CCR5AS: variants seen among roughly 807,000 people sequenced by gnomAD.
The protein encoded by CCR5AS is CCR5 antisense RNA.
chr3:46,390,831 G>A (rs528361214), intron 2 of CCR5AS, among the ~76,000 whole-genome samples: 25 of 152,174 alleles, frequency 1.6e-4, no homozygotes, highest in Non-Finnish European at 2.6e-4. Flanking sequence ...AGTTTTAAGC[G>A]GTTTAGAAGC....
chr3:46,367,649 C>G (rs1194292097), intron 3 of CCR5AS, among the ~76,000 whole-genome samples: 7 of 152,196 alleles, frequency 4.6e-5, no homozygotes, highest in Non-Finnish European at 8.8e-5. Context: ...TGGTTCACTG[C>G]AACCTCCATC....
At chr3:46,383,355 G>A (rs1181067913) in intron 2 of CCR5AS, among the ~76,000 whole-genome samples, 1 of 152,158 alleles carries the variant, frequency 6.6e-6, no homozygotes, top group Non-Finnish European at 1.5e-5. Flanking sequence ...AGGGCAGCAG[G>A]CCAATTCCCC....
At chr3:46,384,023 C>A (rs905240702) in intron 2 of CCR5AS, among the ~76,000 whole-genome samples, 1 of 152,206 alleles carries the variant, frequency 6.6e-6, no homozygotes, top group Admixed American at 6.5e-5. Context: ...GAATCAAGGA[C>A]TCAGGCACAC....
chr3:46,373,828 T>TA (rs867474129), intron 2 of CCR5AS: 2 of 1,614,012 alleles, frequency 1.2e-6, no homozygotes, highest in African/African-American at 2.7e-5. Flanking sequence ...AACTACCTCT[T>TA]AGTCTTCTTC....
intron 1 of CCR5AS, among the ~76,000 whole-genome samples, chr3:46,394,592 A>G (rs1472381647): frequency 6.6e-6 from 1 of 152,124 alleles, no homozygotes; most frequent in Non-Finnish European, 1.5e-5. Flanking sequence ...CATGTCTCAC[A>G]TCCCCCAGCC....
rs138380934 is a variant in CCR5AS at position 46,373,274 on chromosome 3, C to A, written n.392-1857G>T. The A allele has an allele frequency of 1.4e-5, 23 of 1,614,018 alleles. No individual in the cohort carries two copies. The African/African-American group carries it at 2.9e-4, about 21-fold the overall frequency. ...TCTTCTTCATCATCCTCCTGACAAT[C>A]GATAGGTACCTGGCTGTCGTCCATG... is the stretch of plus-strand genomic sequence containing the variant. On this transcript the variant is annotated intron_variant and non_coding_transcript_variant, in intron 2 of 3. Transcript: ENST00000451485.
chr3:46,383,790 A>G (rs543165887), intron 2 of CCR5AS, among the ~76,000 whole-genome samples: 3 of 152,320 alleles, frequency 2.0e-5, no homozygotes, highest in East Asian at 3.9e-4. Context: ...TGCACTAACC[A>G]TCTGCAGCTC....
chr3:46,397,586 G>A (rs1701971724), intron 1 of CCR5AS, among the ~76,000 whole-genome samples: 1 of 152,140 alleles, frequency 6.6e-6, no homozygotes, highest in Admixed American at 6.5e-5. Flanking sequence ...TTACGTCAAG[G>A]GACACATCAG....
At chr3:46,372,484 G>A (rs988253555) in intron 2 of CCR5AS, among the ~76,000 whole-genome samples, 5 of 152,090 alleles carry the variant, frequency 3.3e-5, no homozygotes, top group Admixed American at 1.3e-4. Flanking sequence ...AGCCATGATC[G>A]TGCCACTGCA....
intron 2 of CCR5AS, chr3:46,373,529 C>A: frequency 3.7e-6 from 6 of 1,614,086 alleles, no homozygotes; most frequent in Non-Finnish European, 5.1e-6. Flanking sequence ...CGCTGCTTGT[C>A]ATGGTCATCT....
chr3:46,365,504 A>G lies in CCR5AS; in HGVS notation n.566-459T>C, dbSNP rs576744223. Among the ~76,000 whole-genome samples the G allele has an allele frequency of 1.9e-4, 29 of 152,314 alleles. 2 individuals carry two copies. In the Middle Eastern group the frequency reaches 0.01, roughly 54 times the overall value. On this transcript the variant is annotated intron_variant and non_coding_transcript_variant, in intron 3 of 3. Transcript: ENST00000451485. ...ACACAACTTTTATATGCACTGGGAA[A>G]CCAAAAAGGTTATTTTTGAGATATT...
intron 3 of CCR5AS, among the ~76,000 whole-genome samples, chr3:46,367,918 G>T (rs1471323967): frequency 6.6e-6 from 1 of 152,184 alleles, no homozygotes; most frequent in Admixed American, 6.5e-5. Context: ...TCTTTTTACA[G>T]CCCGTCTCAC....
At chr3:46,404,325 CTCTTTTTTTTT>C (rs1702028990) in intron 1 of CCR5AS, among the ~76,000 whole-genome samples, 1 of 80,752 alleles carries the variant, frequency 1.2e-5, no homozygotes, top group South Asian at 5.1e-4. Context: ...CTCTCTCTCT[CTCTTTTTTTTT>C]TTTTTTTTTT....
At chr3:46,375,391 A>G (rs1434628268) in intron 2 of CCR5AS, 1 of 166,986 alleles carries the variant, frequency 6.0e-6, no homozygotes, top group East Asian at 1.9e-4. Context: ...TTTAGCACAT[A>G]CTACACATTC....
chr3:46,405,782 C>T (rs532373301), intron 1 of CCR5AS, among the ~76,000 whole-genome samples: 1 of 152,288 alleles, frequency 6.6e-6, no homozygotes, highest in Admixed American at 6.5e-5. Context: ...AAATTTAATG[C>T]TCAATCACAT....
In CCR5AS at chr3:46,402,034, C is replaced by T. The variant is rs764302562; in HGVS notation, n.163+4863G>A. Among the ~76,000 whole-genome samples the T allele has an allele frequency of 2.0e-3, 299 of 152,220 alleles. 4 individuals carry two copies. The highest frequency in any genetic ancestry group is 8.5e-4 in the Non-Finnish European group (58 of 68,020). On this transcript the variant is annotated intron_variant and non_coding_transcript_variant, in intron 1 of 3. Transcript: ENST00000451485. Reference sequence around the variant, plus strand: ...AGAAGTCCTGTAGTAAAGAAACTTGCTTTAGTTTTTTAGTCCAGCAATTTT... The same window carrying T: ...AGAAGTCCTGTAGTAAAGAAACTTGTTTTAGTTTTTTAGTCCAGCAATTTT...
chr3:46,387,911 C>T (rs1701877038), intron 2 of CCR5AS, among the ~76,000 whole-genome samples: 1 of 151,928 alleles, frequency 6.6e-6, no homozygotes, highest in African/African-American at 2.4e-5. Context: ...GTGGGGAGCT[C>T]CTGAGATTTA....
At chr3:46,403,919 C>T (rs1288812108) in intron 1 of CCR5AS, among the ~76,000 whole-genome samples, 2 of 152,164 alleles carry the variant, frequency 1.3e-5, no homozygotes, top group Non-Finnish European at 2.9e-5. Flanking sequence ...AAAATAAAAA[C>T]AAATCCCAGA....
intron 2 of CCR5AS, chr3:46,373,625 G>A: frequency 6.2e-7 from 1 of 1,614,054 alleles, no homozygotes; most frequent in Non-Finnish European, 8.5e-7. Context: ...TCACCATCAT[G>A]ATTGTTTATT....
Sources: allele counts gnomAD v4.1 joint callset (sites outside exome capture counted in the v4.1 genomes callset), GRCh38; gene constraint gnomAD v4.1.1; transcripts MANE v1.5; gene names NCBI Gene and HGNC (gene_info 2026-07-23, HGNC 2026-07-21).